IAH1: variants seen among roughly 807,000 people sequenced by gnomAD.
The protein encoded by IAH1 is isoamyl acetate hydrolyzing esterase 1 (putative).
A neutral mutation model predicts 26.7 loss-of-function variants in IAH1; 24 were observed. The ratio of observed to expected loss-of-function variants is 0.90; its 90% CI spans 0.65 to 1.26. The LOEUF is 1.26. IAH1 is among the 50% of genes most tolerant of loss of function. The pLI, the probability that IAH1 is intolerant of heterozygous loss-of-function variation, is 0.00. For synonymous variants in IAH1, 140 were observed against 118.5 expected (o/e 1.18, Z -1.18); for missense variants, 300 against 299.9 (o/e 1.00, Z 0.00).
rs1662447856 is a variant in IAH1 at position 9,494,861 on chromosome 2, G to T, written c.*222+1G>T. On this transcript the variant is annotated splice_donor_variant, in intron 6 of 6. Transcript: ENST00000481367. LOFTEE classifies it low-confidence loss of function (3UTR_SPLICE). Reference sequence around the variant, plus strand: ...CCTCCCTGACCATGCTCCCAAAGAGGTAAGAAATCACATTTATTTTTTATT... The same window carrying T: ...CCTCCCTGACCATGCTCCCAAAGAGTTAAGAAATCACATTTATTTTTTATT... 1 of 1,469,316 alleles carries T rather than the reference G, an allele frequency of 6.8e-7. No homozygotes were observed. Among genetic ancestry groups the T allele is most frequent in the Non-Finnish European group, 9.2e-7 (1 of 1,084,108 alleles). The allele number at this position is 1,469,316 out of a possible 1,614,324, so 91.0% of individuals were successfully genotyped here.
At chr2:9,490,528 C>T, downstream of IAH1, 3 of 1,606,028 alleles carry the variant, frequency 1.9e-6, no homozygotes, top group Middle Eastern at 1.7e-4. Context: ...TCTGCAAAGA[C>T]ATGGGTTCAA....
At chr2:9,503,856 AT>A in the IAH1 span, among the ~76,000 whole-genome samples, 752 of 151,592 alleles carry the variant, frequency 5.0e-3, 9 homozygotes, top group African/African-American at 0.018. Flanking sequence ...AAAAAAAGAA[AT>A]AAAAGATTAT....
At chr2:9,509,916 CATT>C in the IAH1 span, 1 of 1,581,844 alleles carries the variant, frequency 6.3e-7, no homozygotes, top group Non-Finnish European at 8.6e-7. Flanking sequence ...TCTGAGCTCT[CATT>C]ATGATCATTA....
rs963243554 is a variant in IAH1 at position 9,489,617 on chromosome 2, GATAT to G, written c.*1293_*1296del. ...TTAACCCAAATGATTTCTAAATTTAGATATATATTTTCCCTGCTACATAAAAACT... is the reference window on the plus strand; with the variant it reads ...TTAACCCAAATGATTTCTAAATTTAGATATTTTCCCTGCTACATAAAAACT... On this transcript the variant is annotated 3_prime_UTR_variant, in exon 6 of 6. Coordinates refer to ENST00000497473, the MANE Select transcript of IAH1 (RefSeq NM_001039613.3). 1.4e-5 allele frequency: 2 copies of G among 148,002 alleles called. No individual in the cohort carries two copies. The highest frequency in any genetic ancestry group is 2.5e-5 in the African/African-American group (1 of 39,886). The allele number at this position is 148,002 out of a possible 1,614,324, so 9.2% of individuals were successfully genotyped here.
chr2:9,495,064 C>T (rs1662466853), intron 6 of IAH1, among the ~76,000 whole-genome samples: 3 of 152,242 alleles, frequency 2.0e-5, no homozygotes, highest in Non-Finnish European at 1.5e-5. Flanking sequence ...CCTCACAATG[C>T]TCTTCTAAAT....
downstream of IAH1, among the ~76,000 whole-genome samples, chr2:9,499,174 T>A (rs1378595489): frequency 6.6e-6 from 1 of 151,652 alleles, no homozygotes; most frequent in Non-Finnish European, 1.5e-5. Flanking sequence ...AAATACTGAT[T>A]CCTTATCAGG....
chr2:9,492,878 C>T (rs2124959947), downstream of IAH1: 2 of 1,583,142 alleles, frequency 1.3e-6, no homozygotes, highest in Non-Finnish European at 1.7e-6. Flanking sequence ...CATTTAATTA[C>T]TTAAAAGTTG....
rs560395977 is a variant in IAH1 at position 9,488,137 on chromosome 2, T to C, written c.565-10T>C. ...GTTACCCACCTTTAACCGATTTCTC[T>C]CCCTTCTAGGACTTCTCATCTTATT... On this transcript the variant is annotated splice_polypyrimidine_tract_variant and intron_variant, in intron 5 of 5. Transcript: ENST00000497473. 273 of 1,577,652 alleles carry C rather than the reference T, an allele frequency of 1.7e-4. 4 individuals are homozygous for C. In the South Asian group the frequency reaches 2.8e-3, roughly 16 times the overall value.
chr2:9,506,771 G>A, the IAH1 span: 1 of 152,062 alleles, frequency 6.6e-6, no homozygotes, highest in Non-Finnish European at 1.5e-5. Context: ...TGTATCTCTG[G>A]GTTCCATTTT....
intron 3 of IAH1, among the ~76,000 whole-genome samples, chr2:9,479,099 A>G (rs1353175406): frequency 6.6e-6 from 1 of 152,152 alleles, no homozygotes; most frequent in Non-Finnish European, 1.5e-5. Context: ...AGTAAGAGGA[A>G]TTCTTGCTCT....
At chr2:9,481,535 T>TTCTGTTTCTTAGGGGC in intron 4 of IAH1, 88 bp downstream of exon 4, 1 of 1,311,236 alleles carries the variant, frequency 7.6e-7, no homozygotes, top group Non-Finnish European at 1.1e-6. Flanking sequence ...TGCCTGGGGC[T>TTCTGTTTCTTAGGGGC]TCTGTTTCTT....
At chr2:9,500,092 GATAA>G (rs1040233716), downstream of IAH1, among the ~76,000 whole-genome samples, 2 of 37,292 alleles carry the variant, frequency 5.4e-5, no homozygotes, top group Non-Finnish European at 1.8e-4. Flanking sequence ...AAAACTCATA[GATAA>G]ATGTTCACAG....
At chr2:9,502,980 G>C in the IAH1 span, among the ~76,000 whole-genome samples, 1 of 146,926 alleles carries the variant, frequency 6.8e-6, no homozygotes, top group African/African-American at 2.5e-5. Flanking sequence ...CTCTACTAAA[G>C]ATACAAAAAA....
intron 6 of IAH1, among the ~76,000 whole-genome samples, chr2:9,495,814 T>C (rs1239548795): frequency 6.6e-6 from 1 of 152,042 alleles, no homozygotes; most frequent in Non-Finnish European, 1.5e-5. Context: ...CCCAAGCCTC[T>C]TGGCATTCAA....
At chr2:9,474,438 A>G, upstream of IAH1, 1 of 485,646 alleles carries the variant, frequency 2.1e-6, no homozygotes, top group East Asian at 3.8e-5. The surrounding 1 kb of genome is among the most constrained non-coding windows in gnomAD (Gnocchi z 4.3). Flanking sequence ...TCCAAGGGGC[A>G]ACGACCTTCG....
chr2:9,503,929 G>C, the IAH1 span, among the ~76,000 whole-genome samples: 1 of 151,980 alleles, frequency 6.6e-6, no homozygotes, highest in Non-Finnish European at 1.5e-5. Flanking sequence ...TAGAAGGGTG[G>C]ATCACTTGAG....
downstream of IAH1, among the ~76,000 whole-genome samples, chr2:9,499,829 C>T (rs1231572995): frequency 6.6e-6 from 1 of 152,192 alleles, no homozygotes; most frequent in Non-Finnish European, 1.5e-5. Context: ...CAACTTCATT[C>T]ACTAGGTCCC....
chr2:9,499,623 C>T (rs1057451292), downstream of IAH1, among the ~76,000 whole-genome samples: 16 of 152,034 alleles, frequency 1.1e-4, no homozygotes, highest in African/African-American at 3.1e-4. Flanking sequence ...AGGATGGTCT[C>T]GATCTCCTGA....
At chr2:9,481,724 C>T (rs1661185368) in intron 4 of IAH1, among the ~76,000 whole-genome samples, 1 of 152,242 alleles carries the variant, frequency 6.6e-6, no homozygotes, top group Non-Finnish European at 1.5e-5. Flanking sequence ...CTCCAGGGTG[C>T]ACATGAAGGC....
Sources: allele counts gnomAD v4.1 joint callset (sites outside exome capture counted in the v4.1 genomes callset), GRCh38; gene constraint gnomAD v4.1.1; non-coding constraint Gnocchi (gnomAD v3.1); transcripts MANE v1.5; gene names NCBI Gene and HGNC (gene_info 2026-07-23, HGNC 2026-07-21).